The following PTPRA variants were observed in gnomAD, a reference collection of about 807,000 sequenced individuals.
The protein encoded by PTPRA is receptor-type tyrosine-protein phosphatase alpha.
PTPRA carries 25 observed loss-of-function variants against 104.8 expected under a neutral mutation model. The ratio of observed to expected loss-of-function variants is 0.24; its 90% confidence interval spans 0.17 to 0.33. The LOEUF (loss-of-function observed/expected upper bound fraction) is 0.33. PTPRA is among the 10% of genes least tolerant of loss of function. The pLI is 1.00. For synonymous variants in PTPRA, 323 were observed against 368.9 expected (o/e 0.88, Z 1.43); for missense variants, 765 against 1,015.3 (o/e 0.75, Z 3.35).
At chr20:2,934,623 G>T (rs1329175133) in intron 2 of PTPRA, among the ~76,000 whole-genome samples, 1 of 149,458 alleles carries the variant, frequency 6.7e-6, no homozygotes, top group Non-Finnish European at 1.5e-5. Flanking sequence ...AGCTGCAGTA[G>T]TACAGGTTCC....
At chr20:2,912,649 T>C (rs1013831931) in intron 1 of PTPRA, among the ~76,000 whole-genome samples, 3 of 152,136 alleles carry the variant, frequency 2.0e-5, no homozygotes, top group Non-Finnish European at 4.4e-5. Flanking sequence ...CAAAAAACCC[T>C]AATGTTTTAT....
chr20:2,878,372 G>A (rs1257437938), intron 1 of PTPRA, among the ~76,000 whole-genome samples: 1 of 151,938 alleles, frequency 6.6e-6, no homozygotes, highest in Non-Finnish European at 1.5e-5. Context: ...GTGCCACCAC[G>A]ACCAGCTAAT....
intron 12 of PTPRA, among the ~76,000 whole-genome samples, chr20:3,016,721 C>T (rs1436540360): frequency 6.6e-6 from 1 of 152,222 alleles, no homozygotes; most frequent in Non-Finnish European, 1.5e-5. Context: ...GCCTGGGTGA[C>T]AGAGTGAGAC....
At chr20:2,865,000 C>T in the PTPRA span, 1 of 1,614,178 alleles carries the variant, frequency 6.2e-7, no homozygotes, top group Non-Finnish European at 8.5e-7. The surrounding 1 kb of genome is among the most constrained non-coding windows in gnomAD (Gnocchi z 5.2). Flanking sequence ...CGAGTAGCAG[C>T]TCTGCAGACA....
Position 2,982,033 on chromosome 20 carries a change from A to C in PTPRA, c.443-4732A>C, listed in dbSNP as rs138505454. Among the ~76,000 whole-genome samples, 957 of 151,104 alleles carry C rather than the reference A, an allele frequency of 6.3e-3. 9 individuals carry two copies. Among genetic ancestry groups the C allele is most frequent in the African/African-American group, 0.022 (894 of 41,196 alleles). ...TGTGCTTTGGGGGAAGATGAAGTAA[A>C]TTCATGGATTTAGCCCAGTGTCTTA... is the stretch of plus-strand genomic sequence containing the variant. On this transcript the variant is annotated intron_variant, in intron 6 of 23. Coordinates refer to ENST00000399903, the MANE Select transcript of PTPRA (RefSeq NM_001385305.1).
intron 2 of PTPRA, among the ~76,000 whole-genome samples, chr20:2,930,912 C>T (rs1482280166): frequency 1.3e-5 from 2 of 152,112 alleles, no homozygotes; most frequent in Admixed American, 1.3e-4. Context: ...TATATCAATC[C>T]AGATATTTTC....
At position 2,986,564 on chromosome 20, in the gene PTPRA, A is replaced by G. The variant is rs557549438; in HGVS notation, c.443-201A>G. Among the ~76,000 whole-genome samples, 12 of 152,274 alleles carry G rather than the reference A, an allele frequency of 7.9e-5. No homozygotes were observed. The East Asian group carries it at 2.3e-3, about 29-fold the overall frequency. ...GGGTGAGCATGTCATCCTGGGCCCCATGCTCTCTCCCCACCTCACCTCAAT... is the reference window on the plus strand; with the variant it reads ...GGGTGAGCATGTCATCCTGGGCCCCGTGCTCTCTCCCCACCTCACCTCAAT... On this transcript the variant is annotated intron_variant, in intron 6 of 23. Coordinates refer to ENST00000399903, the MANE Select transcript of PTPRA (RefSeq NM_001385305.1).
At chr20:2,886,869 GGAAAA>G (rs935555414) in intron 1 of PTPRA, among the ~76,000 whole-genome samples, 10 of 140,662 alleles carry the variant, frequency 7.1e-5, no homozygotes, top group African/African-American at 2.6e-4. Context: ...AAAAAAAAAA[GGAAAA>G]GAAAAAAAAG....
At chr20:3,027,912 T>C (rs2065225100) in intron 20 of PTPRA, 71 bp downstream of exon 20, 14 of 1,588,252 alleles carry the variant, frequency 8.8e-6, no homozygotes, top group South Asian at 6.9e-5. Context: ...AATGGGGACG[T>C]TGGGAAGGCA....
intron 3 of PTPRA, 27 bp from the exon 4 acceptor site, chr20:2,964,245 C>G (rs368929230): frequency 4.5e-6 from 7 of 1,556,108 alleles, no homozygotes; most frequent in Non-Finnish European, 5.3e-6. Flanking sequence ...TATAGGACCT[C>G]ATCTAACATG....
At chr20:2,878,467 C>T (rs1241725411) in intron 1 of PTPRA, among the ~76,000 whole-genome samples, 2 of 152,196 alleles carry the variant, frequency 1.3e-5, no homozygotes, top group African/African-American at 4.8e-5. Flanking sequence ...GCCTTGGCCT[C>T]CCAAAGTGCT....
intron 11 of PTPRA, among the ~76,000 whole-genome samples, chr20:3,015,274 T>C (rs7360650): frequency 2.0e-5 from 3 of 152,040 alleles, no homozygotes; most frequent in African/African-American, 7.3e-5. Flanking sequence ...GAGTCAGTAT[T>C]TGGATTTCTT....
chr20:2,900,425 A>G (rs1402338927), intron 1 of PTPRA, among the ~76,000 whole-genome samples: 3 of 152,174 alleles, frequency 2.0e-5, no homozygotes, highest in African/African-American at 4.8e-5. Flanking sequence ...TTCAAGTTCC[A>G]TGAGCCATTG....
chr20:2,914,738 A>G (rs946962557), intron 1 of PTPRA, among the ~76,000 whole-genome samples: 9 of 152,190 alleles, frequency 5.9e-5, no homozygotes, highest in African/African-American at 1.9e-4. Context: ...CGAAAAAAGT[A>G]CGGTTGATGC....
intron 2 of PTPRA, among the ~76,000 whole-genome samples, chr20:2,941,153 C>T (rs2060904055): frequency 6.6e-6 from 1 of 152,174 alleles, no homozygotes; most frequent in South Asian, 2.1e-4. Flanking sequence ...GCCTCGGCCT[C>T]CCTAGTAGCT....
intron 16 of PTPRA, 85 bp from the exon 17 acceptor site, chr20:3,024,387 G>GAGTGA: frequency 7.4e-7 from 1 of 1,351,040 alleles, no homozygotes; most frequent in East Asian, 2.3e-5. Context: ...AAATGGACTG[G>GAGTGA]AGTGAAGTGG....
chr20:2,993,086 T>TGTAG (rs1190470367), intron 9 of PTPRA, among the ~76,000 whole-genome samples: 4 of 150,432 alleles, frequency 2.7e-5, no homozygotes, highest in African/African-American at 1.0e-4. Flanking sequence ...CTTGTCTCTA[T>TGTAG]GTAGGTAGGT....
chr20:2,980,950 G>A (rs973687342), intron 6 of PTPRA, among the ~76,000 whole-genome samples: 12 of 152,024 alleles, frequency 7.9e-5, no homozygotes, highest in African/African-American at 2.4e-4. Context: ...CAGGAAAATC[G>A]GGGCAGGGTG....
At chr20:2,959,722 G>A (rs766948054) in intron 3 of PTPRA, among the ~76,000 whole-genome samples, 3 of 152,174 alleles carry the variant, frequency 2.0e-5, no homozygotes, top group Non-Finnish European at 4.4e-5. Context: ...GAAGGCCAAG[G>A]TGGGCAGATC....
Sources: gnomAD v4.1 joint callset for allele counts (sites outside exome capture counted in the v4.1 genomes callset) on GRCh38, gnomAD v4.1.1 for gene constraint, Gnocchi (gnomAD v3.1) non-coding constraint, MANE v1.5 for transcripts, NCBI Gene and HGNC (gene_info 2026-07-23, HGNC 2026-07-21) for gene names.